Variants in CDC5L observed in about 807,000 individuals in gnomAD.
The protein encoded by CDC5L is cell division cycle 5-like protein.
Under a neutral mutation model 104.1 loss-of-function variants are expected in CDC5L, and 18 were observed. The ratio of observed to expected loss-of-function variants is 0.17; its 90% CI spans 0.12 to 0.26. The LOEUF (loss-of-function observed/expected upper bound fraction) is 0.26, where lower values mean the gene tolerates loss of function less well. Among genes scored for constraint, CDC5L ranks in the 10% least tolerant of loss-of-function variants. CDC5L has a pLI of 1.00. For missense variants in CDC5L, 673 were observed against 956.9 expected, an observed-to-expected ratio of 0.70 and a Z score of 3.91; for synonymous variants, 331 against 322.7, an observed-to-expected ratio of 1.03 and a Z score of -0.28.
At chr6:44,406,766 T>C (rs1186074403) in intron 7 of CDC5L, among the ~76,000 whole-genome samples, 4 of 151,894 alleles carry the variant, frequency 2.6e-5, no homozygotes, top group African/African-American at 9.7e-5. Context: ...ATACAAAAAT[T>C]AGGCGGGATG....
chr6:44,429,109 C>T (rs1002881914), intron 13 of CDC5L, among the ~76,000 whole-genome samples: 3 of 151,064 alleles, frequency 2.0e-5, no homozygotes, highest in Non-Finnish European at 4.4e-5. Context: ...GCAGCCTCCA[C>T]CTCCTGGGTT....
chr6:44,425,708 T>C lies in CDC5L; in HGVS notation c.1570-395T>C, dbSNP rs11572019. 1.5e-3 allele frequency among the ~76,000 whole-genome samples: 236 copies of C among 152,336 alleles called. 15 individuals carry two copies. In the South Asian group the frequency reaches 0.047, roughly 30 times the overall value. ...ATTTTAATGTGTTATCCCACATTATTCATAAGAATCAGGAAACAATACATT... is the reference window on the plus strand; with the variant it reads ...ATTTTAATGTGTTATCCCACATTATCCATAAGAATCAGGAAACAATACATT... On this transcript the variant is annotated intron_variant, in intron 11 of 15. Coordinates refer to ENST00000371477, the MANE Select transcript of CDC5L (RefSeq NM_001253.4).
chr6:44,403,582 T>C (rs1457433351), intron 5 of CDC5L, among the ~76,000 whole-genome samples: 1 of 152,180 alleles, frequency 6.6e-6, no homozygotes, highest in Non-Finnish European at 1.5e-5. Flanking sequence ...AGATAAGATA[T>C]GTATTTACTT....
intron 14 of CDC5L, among the ~76,000 whole-genome samples, chr6:44,435,057 A>G (rs1343715446): frequency 2.6e-5 from 4 of 151,554 alleles, no homozygotes; most frequent in African/African-American, 9.7e-5. Context: ...CACCTTAAAC[A>G]TTGTGGTGTA....
At chr6:44,424,300 A>C (rs1456759493) in intron 10 of CDC5L, 119 bp from the exon 11 acceptor site, 1 of 839,946 alleles carries the variant, frequency 1.2e-6, no homozygotes, top group African/African-American at 1.7e-5. Flanking sequence ...GTTATTTTAA[A>C]ATGTACAGTT....
At chr6:44,392,997 T>C (rs1790686726) in intron 3 of CDC5L, among the ~76,000 whole-genome samples, 169 bp downstream of exon 3, 2 of 152,190 alleles carry the variant, frequency 1.3e-5, no homozygotes, top group African/African-American at 2.4e-5. Context: ...ATCAAAATTA[T>C]GCCTTCTGTC....
At chr6:44,400,117 T>TA (rs1264252148) in intron 5 of CDC5L, among the ~76,000 whole-genome samples, 1 of 152,216 alleles carries the variant, frequency 6.6e-6, no homozygotes, top group African/African-American at 2.4e-5. Flanking sequence ...GCAACGTTGT[T>TA]ATCATACCTT....
chr6:44,389,057 G>A (rs746321413), intron 1 of CDC5L, among the ~76,000 whole-genome samples: 2 of 152,168 alleles, frequency 1.3e-5, no homozygotes, highest in Admixed American at 1.3e-4. Flanking sequence ...ACAGCATGGC[G>A]AGAGGACCAG....
At chr6:44,397,729 G>A (rs1790934861) in intron 5 of CDC5L, among the ~76,000 whole-genome samples, 2 of 152,184 alleles carry the variant, frequency 1.3e-5, no homozygotes, top group South Asian at 2.1e-4. Context: ...AACAAAGAGG[G>A]AATTAATGAG....
At chr6:44,431,367 C>A (rs1792675515) in intron 14 of CDC5L, among the ~76,000 whole-genome samples, 3 of 152,150 alleles carry the variant, frequency 2.0e-5, no homozygotes, top group Non-Finnish European at 2.9e-5. Context: ...AATAGAACAT[C>A]AGTGGTTAAA....
chr6:44,406,023 T>G (rs747939483), intron 6 of CDC5L, among the ~76,000 whole-genome samples: 18 of 152,080 alleles, frequency 1.2e-4, no homozygotes, highest in African/African-American at 2.4e-5. Flanking sequence ...TGCCTCAGCC[T>G]CCCGAGTAGC....
At chr6:44,442,812 T>C (rs1363111765) in intron 14 of CDC5L, among the ~76,000 whole-genome samples, 1 of 152,156 alleles carries the variant, frequency 6.6e-6, no homozygotes, top group Non-Finnish European at 1.5e-5. Flanking sequence ...ATCCAAAATA[T>C]ACAAAAAAAG....
chr6:44,400,542 C>T (rs565905185), intron 5 of CDC5L, among the ~76,000 whole-genome samples: 6 of 152,106 alleles, frequency 3.9e-5, no homozygotes, highest in African/African-American at 7.2e-5. Context: ...CACTGTCTAC[C>T]GTGCCTGGCT....
At chr6:44,432,910 C>A (rs1792751487) in intron 14 of CDC5L, among the ~76,000 whole-genome samples, 1 of 152,084 alleles carries the variant, frequency 6.6e-6, no homozygotes, top group African/African-American at 2.4e-5. Flanking sequence ...GAGAGCATAC[C>A]ATGCTGTGTC....
chr6:44,393,408 T>C (rs1459155835), intron 3 of CDC5L, 38 bp from the exon 4 acceptor site: 1 of 1,593,542 alleles, frequency 6.3e-7, no homozygotes, highest in Admixed American at 1.8e-5. Flanking sequence ...CTCTAAATGG[T>C]ACTGTAGTGT....
intron 14 of CDC5L, among the ~76,000 whole-genome samples, chr6:44,444,935 C>T (rs1793377814): frequency 6.6e-6 from 1 of 152,156 alleles, no homozygotes; most frequent in African/African-American, 2.4e-5. Flanking sequence ...GCTGCTTAGG[C>T]TGCCAGAAGG....
At chr6:44,412,602 G>GT (rs34931855) in intron 8 of CDC5L, among the ~76,000 whole-genome samples, 105,785 of 148,146 alleles carry the variant, frequency 0.71, 39,539 homozygotes, top group Non-Finnish European at 0.86. Context: ...AAAAAAAATA[G>GT]TTTTTTTTTT....
chr6:44,394,404 CTTAT>C (rs1790755017), intron 4 of CDC5L, among the ~76,000 whole-genome samples: 1 of 152,164 alleles, frequency 6.6e-6, no homozygotes. Flanking sequence ...CTATTAATTA[CTTAT>C]TTGACTATAG....
At chr6:44,440,489 CA>C (rs1793133162) in intron 14 of CDC5L, among the ~76,000 whole-genome samples, 1 of 151,952 alleles carries the variant, frequency 6.6e-6, no homozygotes, top group African/African-American at 2.4e-5. Context: ...GTGATCTGCC[CA>C]CCGTGGCCTT....
Sources: gnomAD v4.1 joint callset for allele counts (sites outside exome capture counted in the v4.1 genomes callset) on GRCh38, gnomAD v4.1.1 for gene constraint, MANE v1.5 for transcripts, NCBI Gene and HGNC (gene_info 2026-07-23, HGNC 2026-07-21) for gene names.